Variants in SLC11A2 observed in about 807,000 individuals in gnomAD.
SLC11A2 encodes natural resistance-associated macrophage protein 2.
SLC11A2 carries 38 observed loss-of-function variants against 68.0 expected under a neutral mutation model. That is an observed-to-expected ratio of 0.56 (90% CI 0.43 to 0.73). The LOEUF is 0.73. Among genes scored for constraint, SLC11A2 ranks in the 30% least tolerant of loss-of-function variants. The pLI is 0.00. For synonymous variants in SLC11A2, 242 were observed against 250.6 expected, an observed-to-expected ratio of 0.97 and a Z score of 0.32; for missense variants, 517 against 690.5, an observed-to-expected ratio of 0.75 and a Z score of 2.82.
Position 50,988,121 on chromosome 12 carries a change from C to T in SLC11A2, c.*204G>A. The T allele has an allele frequency of 2.0e-6, 3 of 1,494,590 alleles. No individual in the cohort carries two copies. Among genetic ancestry groups the T allele is most frequent in the Non-Finnish European group, 2.7e-6 (3 of 1,121,620 alleles). 92.6% of individuals were successfully genotyped at this position (1,494,590 alleles called of 1,614,324 possible). On this transcript the variant is annotated 3_prime_UTR_variant, in exon 16 of 16. Transcript: ENST00000262052. The stretch of plus-strand genomic sequence containing the variant: ...AAATGTCAGCTTTTCAAAGATCCCA[C>T]CCTAATCCAGTTCTAAGGTTAGGTC...
At chr12:50,954,060 G>A in the SLC11A2 span, 9 of 1,612,928 alleles carry the variant, frequency 5.6e-6, no homozygotes, top group Non-Finnish European at 6.8e-6. Context: ...CGACTAATCA[G>A]GAAATCTAGA....
In SLC11A2 at chr12:50,994,592, GC is replaced by G; in HGVS notation, c.1028del (p.Gly343AlafsTer46). On this transcript the variant is annotated frameshift_variant, in exon 11 of 16. Transcript: ENST00000262052. LOFTEE classifies it high-confidence loss of function. ...GTGTCGAGTTATCTTTAGGAAAGAG[GC>G]CAGCATGAGGACTGCTGGTATTTGT... ...VCTNTSSPHA[G>X]LFPKDNSTLA... 6.2e-7 allele frequency: 1 copy of G among 1,612,836 alleles called. No homozygotes were observed. The highest frequency in any genetic ancestry group is 8.5e-7 in the Non-Finnish European group (1 of 1,178,826).
chr12:50,981,682 G>A (rs924790593), downstream of SLC11A2: 14 of 1,325,894 alleles, frequency 1.1e-5, no homozygotes, highest in African/African-American at 1.9e-4. Flanking sequence ...GGCACAAAAA[G>A]GGCTTAGAAA....
At chr12:51,026,261 C>A (rs1407105333) in intron 1 of SLC11A2, 49 bp downstream of exon 1, 2 of 1,219,944 alleles carry the variant, frequency 1.6e-6, no homozygotes, top group Non-Finnish European at 2.1e-6. Context: ...CGCGCCCCTC[C>A]CTGCCAGCGA....
At chr12:50,970,327 CTTTG>C in the SLC11A2 span, 16 of 690,966 alleles carry the variant, frequency 2.3e-5, no homozygotes, top group Non-Finnish European at 4.1e-5. Context: ...GAAGGAGGGC[CTTTG>C]TTTGTTTCTG....
downstream of SLC11A2, chr12:50,979,656 G>C: frequency 2.8e-6 from 1 of 360,458 alleles, no homozygotes; most frequent in South Asian, 2.2e-5. Flanking sequence ...CTGAGTTGCA[G>C]GGTTGGCTGC....
intron 6 of SLC11A2, 38 bp from the exon 7 acceptor site, chr12:50,999,453 AAAG>A: frequency 6.7e-7 from 1 of 1,502,974 alleles, no homozygotes; most frequent in Non-Finnish European, 9.3e-7. Flanking sequence ...AGAGAGACGG[AAAG>A]AAAGGAAACA....
intron 1 of SLC11A2, among the ~76,000 whole-genome samples, chr12:51,015,221 A>G (rs959385747): frequency 5.4e-5 from 8 of 148,760 alleles, no homozygotes; most frequent in Non-Finnish European, 8.9e-5. Flanking sequence ...CACACCTGTA[A>G]TCCCAGCACT....
chr12:51,000,166 G>A (rs1364729664), intron 6 of SLC11A2, 147 bp downstream of exon 6: 3 of 694,990 alleles, frequency 4.3e-6, no homozygotes, highest in East Asian at 2.7e-5. Flanking sequence ...TCTACCAGGG[G>A]AGAAGAAATT....
chr12:51,014,978 T>C (rs1422458065), intron 1 of SLC11A2, among the ~76,000 whole-genome samples: 1 of 150,474 alleles, frequency 6.6e-6, no homozygotes, highest in Non-Finnish European at 1.5e-5. Context: ...CTGGCCAACA[T>C]GGTGAAACCC....
the SLC11A2 span, among the ~76,000 whole-genome samples, chr12:50,962,389 C>T: frequency 6.6e-6 from 1 of 151,330 alleles, no homozygotes; most frequent in Non-Finnish European, 1.5e-5. Context: ...CCAGCCTGGG[C>T]AATAAGAGTG....
intron 5 of SLC11A2, among the ~76,000 whole-genome samples, chr12:51,002,671 G>A (rs1256977679): frequency 2.0e-5 from 3 of 147,360 alleles, no homozygotes; most frequent in African/African-American, 7.5e-5. Flanking sequence ...GCCAGGCGCA[G>A]TAGCTCACGC....
intron 11 of SLC11A2, chr12:50,993,143 G>C (rs987498598): frequency 7.4e-5 from 40 of 537,612 alleles, no homozygotes; most frequent in Non-Finnish European, 2.3e-5. Context: ...TCGTTTCTCT[G>C]CCTAGTCCTT....
At chr12:51,000,072 T>C (rs1942070946) in intron 6 of SLC11A2, among the ~76,000 whole-genome samples, 2 of 151,618 alleles carry the variant, frequency 1.3e-5, no homozygotes. Context: ...GACATACAAA[T>C]CAATAATTGC....
At chr12:50,992,740 AAAAAAAG>A (rs1941290095) in intron 12 of SLC11A2, 63 bp downstream of exon 12, 5 of 1,470,888 alleles carry the variant, frequency 3.4e-6, no homozygotes, top group Non-Finnish European at 4.6e-6. Flanking sequence ...CAAAAAAAAA[AAAAAAAG>A]AAGAAGAAGA....
intron 14 of SLC11A2, chr12:50,991,371 T>G: frequency 1.7e-6 from 1 of 583,274 alleles, no homozygotes; most frequent in Non-Finnish European, 3.1e-6. Flanking sequence ...AGCTGAAGAG[T>G]TATGCTGTAA....
intron 15 of SLC11A2, 105 bp from the exon 16 acceptor site, chr12:50,988,540 G>A: frequency 6.5e-7 from 1 of 1,549,768 alleles, no homozygotes; most frequent in Non-Finnish European, 8.7e-7. Flanking sequence ...TGAACATCCA[G>A]CTGTGCCCAT....
At chr12:50,979,989 G>A (rs1297476713), downstream of SLC11A2, 1 of 452,994 alleles carries the variant, frequency 2.2e-6, no homozygotes, top group Admixed American at 2.4e-5. Context: ...ACTTTGGGAG[G>A]CCAAGGCCAG....
intron 11 of SLC11A2, chr12:50,993,160 C>G: frequency 2.1e-6 from 1 of 484,076 alleles, no homozygotes; most frequent in South Asian, 2.5e-5. Context: ...CCTTTCTCTT[C>G]TCCAAGCTCC....
Sources: gnomAD v4.1 joint callset for allele counts (sites outside exome capture counted in the v4.1 genomes callset) on GRCh38, gnomAD v4.1.1 for gene constraint, MANE v1.5 for transcripts, NCBI Gene and HGNC (gene_info 2026-07-23, HGNC 2026-07-21) for gene names.